The following DEPDC5 variants were observed in gnomAD, a reference collection of about 807,000 sequenced individuals.
DEPDC5 encodes GATOR1 complex protein DEPDC5.
A neutral mutation model predicts 217.3 loss-of-function variants in DEPDC5; 73 were observed. The observed-to-expected ratio is 0.34, with a 90% CI of 0.28 to 0.41. The LOEUF is 0.41. Ranked by LOEUF, DEPDC5 falls within the 10% of genes least tolerant of loss-of-function variation. The pLI, the probability that DEPDC5 is intolerant of heterozygous loss-of-function variation, is 1.00. For missense variants in DEPDC5, 1,675 were observed against 2,070.1 expected (o/e 0.81, Z 3.70); for synonymous variants, 733 against 756.7 (o/e 0.97, Z 0.51).
chr22:31,893,739 A>G lies in DEPDC5; in HGVS notation c.4191A>G (p.Val1397=), dbSNP rs1406253877. The G allele has an allele frequency of 5.6e-6, 9 of 1,605,360 alleles. No individual in the cohort carries two copies. Among genetic ancestry groups the G allele is most frequent in the Non-Finnish European group, 7.6e-6 (9 of 1,176,560 alleles). ...ACTGGATGGCGGTGACCGCAGCAGT[A>G]CTCTTCGAGATGGTGAGAACCTTCA... ...KLHWMAVTAA[V]LFEMVQGWHR... Residue 1397 remains valine, a synonymous_variant, in exon 39 of 43, where the codon GTA becomes GTG. Transcript: ENST00000651528.
intron 25 of DEPDC5, among the ~76,000 whole-genome samples, chr22:31,835,573 G>A (rs947835721): frequency 6.6e-6 from 1 of 152,136 alleles, no homozygotes; most frequent in African/African-American, 2.4e-5. Flanking sequence ...GGCTGATGAT[G>A]GCCAGGATGA....
rs544176334 is a variant in DEPDC5 at position 31,824,277 on chromosome 22, C to T, written c.2104+1487C>T. Reference sequence around the variant, plus strand: ...AGGAGAATTGCTTGAACCTGGGAGGCGGAGGTTGCAGTGAGCTGAGATTGC... The same window carrying T: ...AGGAGAATTGCTTGAACCTGGGAGGTGGAGGTTGCAGTGAGCTGAGATTGC... On this transcript the variant is annotated intron_variant, in intron 24 of 42. Coordinates refer to ENST00000651528, the MANE Select transcript of DEPDC5 (RefSeq NM_001242896.3). Among the ~76,000 whole-genome samples, 65 of 151,448 alleles carry T rather than the reference C, an allele frequency of 4.3e-4. 2 individuals are homozygous for T. In the South Asian group the frequency reaches 0.013, roughly 30 times the overall value.
intron 24 of DEPDC5, among the ~76,000 whole-genome samples, chr22:31,827,248 G>C (rs561942074): frequency 6.6e-6 from 1 of 152,160 alleles, no homozygotes; most frequent in East Asian, 1.9e-4. Flanking sequence ...AGCCACATGG[G>C]AACTGAACTC....
rs1160139210 is a variant in DEPDC5 at position 31,833,900 on chromosome 22, T to G, written c.2105-15T>G. The G allele has an allele frequency of 6.5e-7, 1 of 1,533,768 alleles. No individual in the cohort carries two copies. Among genetic ancestry groups the G allele is most frequent in the South Asian group, 1.3e-5 (1 of 79,726 alleles). On this transcript the variant is annotated splice_polypyrimidine_tract_variant and intron_variant, in intron 24 of 42. Coordinates refer to ENST00000651528, the MANE Select transcript of DEPDC5 (RefSeq NM_001242896.3). ...GTGAGCCTTCTTAAGACAAGCTGTT[T>G]TTATCTTTCCATAGGTATGAATCCT...
At chr22:31,757,990 C>T (rs2082073705) in intron 2 of DEPDC5, among the ~76,000 whole-genome samples, 1 of 152,146 alleles carries the variant, frequency 6.6e-6, no homozygotes, top group South Asian at 2.1e-4. Flanking sequence ...TCTTGAACTC[C>T]TGACCTCAGG....
chr22:31,840,956 C>T (rs1457563435), intron 27 of DEPDC5, among the ~76,000 whole-genome samples: 2 of 152,174 alleles, frequency 1.3e-5, no homozygotes, highest in African/African-American at 2.4e-5. Context: ...AAATACCATG[C>T]AGGATAAACA....
In DEPDC5 at chr22:31,905,968, T is replaced by C; in HGVS notation, c.4437-16T>C. On this transcript the variant is annotated splice_polypyrimidine_tract_variant and intron_variant, in intron 41 of 42. Coordinates refer to ENST00000651528, the MANE Select transcript of DEPDC5 (RefSeq NM_001242896.3). ...TAAGGAGGCGCTGATTAGCATGTCT[T>C]CCTGTCCTTCCCTAGGTTTGGGTTT... 6.2e-7 allele frequency: 1 copy of C among 1,612,352 alleles called. No individual in the cohort carries two copies. Among genetic ancestry groups the C allele is most frequent in the Non-Finnish European group, 8.5e-7 (1 of 1,178,474 alleles).
At chr22:31,799,056 T>G (rs1048640394) in intron 14 of DEPDC5, among the ~76,000 whole-genome samples, 3 of 151,658 alleles carry the variant, frequency 2.0e-5, no homozygotes, top group African/African-American at 7.3e-5. Flanking sequence ...TTTTTTTTTT[T>G]TTTTTTGAGA....
chr22:31,888,250 T>TG (rs2093361708), intron 38 of DEPDC5, among the ~76,000 whole-genome samples: 1 of 139,850 alleles, frequency 7.2e-6, no homozygotes, highest in Non-Finnish European at 1.5e-5. Flanking sequence ...GTTTTTTTTT[T>TG]TTTTTTTTTT....
intron 6 of DEPDC5, 92 bp downstream of exon 6, chr22:31,766,760 G>C: frequency 1.7e-6 from 2 of 1,155,976 alleles, no homozygotes; most frequent in Non-Finnish European, 1.3e-6. Context: ...AATCGTTTCT[G>C]ATTTTATATC....
At chr22:31,777,112 A>G (rs2148313340) in intron 7 of DEPDC5, among the ~76,000 whole-genome samples, 1 of 149,548 alleles carries the variant, frequency 6.7e-6, no homozygotes, top group African/African-American at 2.5e-5. Context: ...TATAGGTGCC[A>G]CCATGCCCAG....
intron 38 of DEPDC5, 149 bp downstream of exon 38, chr22:31,879,901 C>A (rs1704401453): frequency 1.3e-6 from 1 of 761,662 alleles, no homozygotes; most frequent in Non-Finnish European, 2.1e-6. Context: ...GCACTGTTGG[C>A]TCCGTTGCTG....
At chr22:31,894,759 C>T (rs2093513404) in intron 39 of DEPDC5, 1 of 151,614 alleles carries the variant, frequency 6.6e-6, no homozygotes, top group African/African-American at 2.4e-5. Context: ...GCAGGGGAAT[C>T]ACTTGAACCT....
chr22:31,862,290 C>A (rs1020257896), intron 33 of DEPDC5, among the ~76,000 whole-genome samples: 7 of 149,460 alleles, frequency 4.7e-5, no homozygotes, highest in Non-Finnish European at 1.5e-5. Flanking sequence ...CGAGGCCAGG[C>A]ACAGTGGCTC....
chr22:31,781,229 AC>A, intron 8 of DEPDC5, among the ~76,000 whole-genome samples: 6 of 151,094 alleles, frequency 4.0e-5, no homozygotes, highest in Middle Eastern at 3.4e-3. Context: ...AAACAAACAA[AC>A]AAACAAAAAA....
At chr22:31,767,984 A>G (rs1286129290) in intron 6 of DEPDC5, among the ~76,000 whole-genome samples, 2 of 151,636 alleles carry the variant, frequency 1.3e-5, no homozygotes, top group East Asian at 3.9e-4. Flanking sequence ...TGACCTCGTG[A>G]TCGTCCCATC....
At chr22:31,873,453 T>C in intron 35 of DEPDC5, 121 bp downstream of exon 35, 1 of 1,073,488 alleles carries the variant, frequency 9.3e-7, no homozygotes. Context: ...TTTTGAGAGC[T>C]TGGGCAAGTC....
At chr22:31,765,137 TG>T (rs1569510953) in intron 5 of DEPDC5, 77 bp downstream of exon 5, 1 of 1,170,350 alleles carries the variant, frequency 8.5e-7, no homozygotes, top group Non-Finnish European at 1.3e-6. Context: ...AAGGAAACAA[TG>T]GGTTACTTAA....
intron 2 of DEPDC5, among the ~76,000 whole-genome samples, chr22:31,756,074 G>C (rs1322718756): frequency 1.3e-5 from 2 of 149,794 alleles, no homozygotes; most frequent in Non-Finnish European, 3.0e-5. Flanking sequence ...TAGTAGAGAG[G>C]GTTTCACCAT....
Sources: allele counts gnomAD v4.1 joint callset (sites outside exome capture counted in the v4.1 genomes callset), GRCh38; gene constraint gnomAD v4.1.1; transcripts MANE v1.5; gene names NCBI Gene and HGNC (gene_info 2026-07-23, HGNC 2026-07-21).